Variants in STMN4 observed in about 807,000 individuals in gnomAD.
The protein encoded by STMN4 is stathmin-4.
In STMN4, 12 loss-of-function variants were observed where a neutral mutation model predicts 29.1. The ratio of observed to expected loss-of-function variants is 0.41; its 90% CI spans 0.26 to 0.67. STMN4 has a LOEUF of 0.67. Among genes scored for constraint, STMN4 ranks in the 30% least tolerant of loss-of-function variants. STMN4 has a pLI of 0.30. For synonymous variants in STMN4, 114 were observed against 105.3 expected, an observed-to-expected ratio of 1.08 and a Z score of -0.51; for missense variants, 181 against 262.8, an observed-to-expected ratio of 0.69 and a Z score of 2.15.
At chr8:27,245,020 G>A (rs569800668) in intron 1 of STMN4, among the ~76,000 whole-genome samples, 10 of 152,296 alleles carry the variant, frequency 6.6e-5, no homozygotes, top group Admixed American at 5.9e-4. Context: ...TTGCCTTTCT[G>A]TGCTGGCTGG....
intron 1 of STMN4, among the ~76,000 whole-genome samples, chr8:27,244,167 C>A (rs1286635075): frequency 6.6e-6 from 1 of 152,198 alleles, no homozygotes; most frequent in Non-Finnish European, 1.5e-5. Context: ...AATCCTCCTG[C>A]AGAATCAGCT....
At chr8:27,253,688 A>G (rs1377280727) in intron 1 of STMN4, among the ~76,000 whole-genome samples, 2 of 150,164 alleles carry the variant, frequency 1.3e-5, no homozygotes, top group Non-Finnish European at 3.0e-5. Flanking sequence ...ACTTGTGACC[A>G]TCATTGATAC....
Position 27,235,735 on chromosome 8 carries a change from T to C in STMN4, c.*1111A>G, listed in dbSNP as rs1425078151. The C allele has an allele frequency of 6.6e-6, 1 of 152,226 alleles. No homozygotes were observed. The highest frequency in any genetic ancestry group is 1.5e-5 in the Non-Finnish European group (1 of 68,060). The allele number at this position is 152,226 out of a possible 1,614,324, so 9.4% of individuals were successfully genotyped here. A position where few individuals can be genotyped will look rare whatever the true frequency, so the allele number is the denominator to read the frequency against. On this transcript the variant is annotated 3_prime_UTR_variant, in exon 7 of 7. Transcript: ENST00000350889. The stretch of plus-strand genomic sequence containing the variant: ...AGGACTCCACCTTCATGAATGGGAT[T>C]AGTGCCTTAAAGAAAAGGCTCAAGG...
chr8:27,251,104 C>G (rs1170068458), intron 1 of STMN4, among the ~76,000 whole-genome samples: 1 of 151,748 alleles, frequency 6.6e-6, no homozygotes, highest in African/African-American at 2.4e-5. Flanking sequence ...AAAATTAGCC[C>G]AGCGTGGTGG....
At chr8:27,238,313 G>A (rs1801368042) in intron 6 of STMN4, among the ~76,000 whole-genome samples, 1 of 152,194 alleles carries the variant, frequency 6.6e-6, no homozygotes, top group Admixed American at 6.5e-5. Context: ...TGGTGCACAG[G>A]TGGACAGGGC....
intron 1 of STMN4, among the ~76,000 whole-genome samples, chr8:27,252,729 CTTCTTA>C (rs1563422255): frequency 1.3e-5 from 2 of 152,214 alleles, no homozygotes. Flanking sequence ...GAATTGAAAT[CTTCTTA>C]TATCAAAGCC....
chr8:27,237,046 G>C, intron 6 of STMN4, 141 bp from the exon 7 acceptor site: 1 of 844,522 alleles, frequency 1.2e-6, no homozygotes, highest in Non-Finnish European at 1.8e-6. Flanking sequence ...CATCCCGAGA[G>C]GGGCAGAAGG....
intron 1 of STMN4, among the ~76,000 whole-genome samples, chr8:27,246,918 C>A (rs1801639329): frequency 6.6e-6 from 1 of 152,034 alleles, no homozygotes; most frequent in Non-Finnish European, 1.5e-5. Flanking sequence ...GTTTTTTTCA[C>A]CTCAGGTACC....
intron 1 of STMN4, among the ~76,000 whole-genome samples, chr8:27,249,116 C>A (rs7846477): frequency 0.19 from 29,400 of 152,056 alleles, 3,625 homozygotes; most frequent in South Asian, 0.35. Flanking sequence ...ACAGAGCCAG[C>A]CGTAAGGAAA....
At chr8:27,246,828 C>T (rs1016094298) in intron 1 of STMN4, among the ~76,000 whole-genome samples, 1 of 152,264 alleles carries the variant, frequency 6.6e-6, no homozygotes, top group Non-Finnish European at 1.5e-5. Context: ...TCCAGCCTCC[C>T]GGTTAGTGGT....
At chr8:27,239,495 C>G in intron 6 of STMN4, 1 of 682,958 alleles carries the variant, frequency 1.5e-6, no homozygotes, top group South Asian at 1.9e-5. Flanking sequence ...CTGTGACTCA[C>G]TGGGTCTGTG....
intron 4 of STMN4, 145 bp downstream of exon 4, chr8:27,241,532 T>C (rs1801471830): frequency 3.0e-5 from 32 of 1,074,536 alleles, no homozygotes; most frequent in Non-Finnish European, 4.2e-5. Context: ...TGCCTTTGCT[T>C]CCCCCACCAG....
intron 1 of STMN4, among the ~76,000 whole-genome samples, chr8:27,251,433 T>C (rs1486798962): frequency 6.6e-6 from 1 of 151,720 alleles, no homozygotes; most frequent in South Asian, 2.1e-4. Context: ...GTGCAAGGCA[T>C]GTGACCCAGG....
chr8:27,242,141 A>G, intron 3 of STMN4: 1 of 572,032 alleles, frequency 1.7e-6, no homozygotes, highest in Non-Finnish European at 3.1e-6. Context: ...GATTTGCTGG[A>G]TGCATGCACA....
intron 1 of STMN4, 21 bp from the exon 2 acceptor site, chr8:27,243,822 G>C: frequency 6.2e-7 from 1 of 1,606,414 alleles, no homozygotes; most frequent in Non-Finnish European, 8.5e-7. Flanking sequence ...GGGAGGACAG[G>C]ATTTTACCAT....
At chr8:27,257,324 C>T (rs1801969443) in intron 1 of STMN4, among the ~76,000 whole-genome samples, 1 of 152,130 alleles carries the variant, frequency 6.6e-6, no homozygotes, top group South Asian at 2.1e-4. Context: ...CCCACCCATC[C>T]CTCGAGCCTC....
intron 1 of STMN4, among the ~76,000 whole-genome samples, chr8:27,244,798 T>C (rs1196150964): frequency 6.6e-6 from 1 of 152,110 alleles, no homozygotes; most frequent in Non-Finnish European, 1.5e-5. Flanking sequence ...GGAGCAGATC[T>C]GGGAGGATCA....
Position 27,236,731 on chromosome 8 carries a change from A to AC in STMN4, c.*114dup, listed in dbSNP as rs1397174831. 6 of 746,164 alleles carry AC rather than the reference A, an allele frequency of 8.0e-6. No individual in the cohort carries two copies. The highest frequency in any genetic ancestry group is 1.0e-5 in the Non-Finnish European group (5 of 501,680). The allele number at this position is 746,164 out of a possible 1,614,324, so 46.2% of individuals were successfully genotyped here. A position where few individuals can be genotyped will look rare whatever the true frequency, so the allele number is the denominator to read the frequency against. ...AAAGCAGAGGAAACGCCCCTTGGCC[A>AC]CCCCCCTCCCCCCAAACCCCAGTGC... On this transcript the variant is annotated 3_prime_UTR_variant, in exon 7 of 7. Coordinates refer to ENST00000350889, the MANE Select transcript of STMN4 (RefSeq NM_030795.4).
At chr8:27,245,246 C>T (rs12115054) in intron 1 of STMN4, among the ~76,000 whole-genome samples, 8,025 of 152,286 alleles carry the variant, frequency 0.053, 472 homozygotes, top group African/African-American at 0.14. Context: ...TCTCTTTGCC[C>T]TGTCTTTTGC....
Sources: allele counts gnomAD v4.1 joint callset (sites outside exome capture counted in the v4.1 genomes callset), GRCh38; gene constraint gnomAD v4.1.1; transcripts MANE v1.5; gene names NCBI Gene and HGNC (gene_info 2026-07-23, HGNC 2026-07-21).